Variants in PRDM15 observed in about 807,000 individuals in gnomAD.
PRDM15 encodes PR/SET domain 15, also known as PR domain zinc finger protein 15.
PRDM15 carries 64 observed loss-of-function variants against 128.6 expected under a neutral mutation model. That is an observed-to-expected ratio of 0.50 (90% CI 0.41 to 0.61). PRDM15 has a LOEUF of 0.61. Ranked by LOEUF, PRDM15 falls within the 20% of genes least tolerant of loss-of-function variation. The pLI is 0.00. For synonymous variants in PRDM15, 615 were observed against 621.8 expected, an observed-to-expected ratio of 0.99 and a Z score of 0.16; for missense variants, 1,242 against 1,569.1, an observed-to-expected ratio of 0.79 and a Z score of 3.52.
At chr21:41,830,149 A>T (rs1209817085) in intron 11 of PRDM15, among the ~76,000 whole-genome samples, 2 of 149,082 alleles carry the variant, frequency 1.3e-5, no homozygotes, top group Non-Finnish European at 3.0e-5. Context: ...CACACACCCC[A>T]CACAAATACA....
chr21:41,843,962 A>AAG (rs1293679340), intron 6 of PRDM15, among the ~76,000 whole-genome samples: 1 of 151,818 alleles, frequency 6.6e-6, no homozygotes, highest in East Asian at 1.9e-4. Flanking sequence ...AAAAAAAAAA[A>AAG]AAAAAAAAAG....
At chr21:41,815,948 G>A in intron 18 of PRDM15, 112 bp from the exon 19 acceptor site, 1 of 1,388,964 alleles carries the variant, frequency 7.2e-7, no homozygotes. Flanking sequence ...GTACTGGTGA[G>A]GGTGTGGGCC....
rs1040163647 is a variant in PRDM15, at chr21:41,815,893, C to G, written c.2261-57G>C. 3.7e-6 allele frequency: 6 copies of G among 1,600,730 alleles called. No individual in the cohort carries two copies. In the African/African-American group the frequency reaches 8.0e-5, roughly 21 times the overall value. On this transcript the variant is annotated intron_variant, in intron 18 of 23. Transcript: ENST00000398548. ...CACCCCCACGCAGCCCACCTGGGGG[C>G]CCATGCCCGAGACCCTGGGGCAGGC... is the stretch of plus-strand genomic sequence containing the variant.
intron 11 of PRDM15, among the ~76,000 whole-genome samples, chr21:41,829,999 TACAC>T (rs2062627266): frequency 1.4e-5 from 2 of 145,124 alleles, no homozygotes; most frequent in South Asian, 4.4e-4. Context: ...CAACACATAC[TACAC>T]AAACACACAT....
chr21:41,861,539 C>CT (rs768820482), intron 1 of PRDM15: 4 of 1,557,884 alleles, frequency 2.6e-6, no homozygotes, highest in East Asian at 2.3e-5. Flanking sequence ...CCTCTGCCCC[C>CT]CCCCAATCCC....
chr21:41,846,672 G>C (rs2063275201), intron 6 of PRDM15, among the ~76,000 whole-genome samples: 1 of 152,200 alleles, frequency 6.6e-6, no homozygotes, highest in Admixed American at 6.5e-5. Context: ...ACTCCAGCCT[G>C]GACAACAGAG....
At chr21:41,820,372 C>A (rs868615626) in intron 16 of PRDM15, among the ~76,000 whole-genome samples, 198 bp from the exon 17 acceptor site, 1 of 152,212 alleles carries the variant, frequency 6.6e-6, no homozygotes, top group Non-Finnish European at 1.5e-5. Flanking sequence ...TTAACCCCGG[C>A]ACTTCACAAT....
At chr21:41,857,354 C>A in intron 3 of PRDM15, 25 bp from the exon 4 acceptor site, 1 of 1,612,626 alleles carries the variant, frequency 6.2e-7, no homozygotes, top group East Asian at 2.2e-5. Context: ...AAACAAGACT[C>A]AAAAGAGAGC....
rs763310411 is a variant in PRDM15 at position 41,819,652 on chromosome 21, C to T, written c.2190G>A (p.Lys730=). 1.4e-5 allele frequency: 22 copies of T among 1,610,476 alleles called. No individual in the cohort carries two copies. The highest frequency in any genetic ancestry group is 1.6e-5 in the Non-Finnish European group (19 of 1,179,188). The change falls in exon 18 of 24, where the codon AAG becomes AAA. Residue 730 remains lysine, a synonymous_variant. Transcript: ENST00000398548. ...CEQCGKSFAR[K]DMLKEHMRVH... is the part of the protein sequence containing the mutation. ...CACGCATGTGCTCCTTCAGCATGTC[C>T]TTCCTGGCAAAGGACTTCCCACACT... is the stretch of plus-strand genomic sequence containing the variant.
intron 6 of PRDM15, among the ~76,000 whole-genome samples, chr21:41,846,216 C>A (rs928872740): frequency 6.6e-6 from 1 of 152,226 alleles, no homozygotes; most frequent in Non-Finnish European, 1.5e-5. Flanking sequence ...ATGCCACAAA[C>A]TGTTTCTACG....
At position 41,854,655 on chromosome 21, in the gene PRDM15, G is replaced by A. The variant is rs773702096; in HGVS notation, c.449C>T (p.Pro150Leu). Residue 150 changes from proline to leucine, a missense_variant, in exon 5 of 24, where the codon CCG (proline) becomes CTG (leucine). Physicochemically the swap from Pro to Leu is moderately conservative, Grantham distance 98. Transcript: ENST00000398548. This position sits in a 1 kb window ranked among gnomAD's most constrained non-coding sequence, Gnocchi z 4.6. Reference sequence around the variant, plus strand: ...ATACCACACGCGCAGCTCGGTACCCGGGGGGATGTCTCTGGAGGTGGTGAA... The same window carrying A: ...ATACCACACGCGCAGCTCGGTACCCAGGGGGATGTCTCTGGAGGTGGTGAA... Reference protein sequence around the residue: ...VYFTTSRDIPPGTELRVWYAA... With the variant: ...VYFTTSRDIPLGTELRVWYAA... 17 of 1,613,588 alleles carry A rather than the reference G, an allele frequency of 1.1e-5. No individual in the cohort carries two copies. Among genetic ancestry groups the A allele is most frequent in the South Asian group, 3.3e-5 (3 of 91,084 alleles).
chr21:41,853,495 A>G (rs993623903), intron 5 of PRDM15, among the ~76,000 whole-genome samples: 6 of 152,226 alleles, frequency 3.9e-5, no homozygotes, highest in Non-Finnish European at 8.8e-5. Flanking sequence ...CAGCTTCGGC[A>G]ATATGAAATT....
At chr21:41,803,217 A>G in intron 22 of PRDM15, 2 of 428,738 alleles carry the variant, frequency 4.7e-6, no homozygotes, top group Non-Finnish European at 8.5e-6. Flanking sequence ...GCCACTGGGT[A>G]TTTCCAAAGG....
At position 41,810,353 on chromosome 21, in the gene PRDM15, C is replaced by T. The variant is rs1313768276; in HGVS notation, c.2477-24G>A. On this transcript the variant is annotated intron_variant, in intron 20 of 23. Transcript: ENST00000398548. This position sits in a 1 kb window ranked among gnomAD's most constrained non-coding sequence, Gnocchi z 6.4. ...CACTTTTCACACACACGCAGACACA[C>T]ATGCGCGTGGAAAGGAAGAGACACG... 6.3e-7 allele frequency: 1 copy of T among 1,597,684 alleles called. No homozygotes were observed.
intron 1 of PRDM15, chr21:41,878,915 G>T: frequency 1.0e-6 from 1 of 954,604 alleles, no homozygotes; most frequent in Non-Finnish European, 1.2e-6. Context: ...CCCGCGCTGG[G>T]CCTGGCCGCG....
intron 6 of PRDM15, among the ~76,000 whole-genome samples, chr21:41,846,582 A>C (rs374733921): frequency 6.6e-5 from 10 of 152,350 alleles, no homozygotes; most frequent in East Asian, 5.8e-4. Flanking sequence ...CTGTGGTCCC[A>C]GCTACTCAGG....
chr21:41,824,743 C>CG (rs1214401917), intron 13 of PRDM15, among the ~76,000 whole-genome samples: 24 of 152,338 alleles, frequency 1.6e-4, no homozygotes, highest in African/African-American at 5.3e-4. Context: ...GCCCACAGTC[C>CG]GGAGCCTCAC....
At chr21:41,861,642 G>T in intron 1 of PRDM15, 1 of 1,613,930 alleles carries the variant, frequency 6.2e-7, no homozygotes, top group Non-Finnish European at 8.5e-7. Flanking sequence ...GGCACTTCTT[G>T]AATGCTGATT....
chr21:41,867,865 T>C (rs1459074514), intron 1 of PRDM15, among the ~76,000 whole-genome samples: 2 of 152,142 alleles, frequency 1.3e-5, no homozygotes, highest in Non-Finnish European at 2.9e-5. Context: ...AAGACCAGCC[T>C]GGCCAACATG....
Sources: allele counts gnomAD v4.1 joint callset (sites outside exome capture counted in the v4.1 genomes callset), GRCh38; gene constraint gnomAD v4.1.1; non-coding constraint Gnocchi (gnomAD v3.1); transcripts MANE v1.5; gene names NCBI Gene and HGNC (gene_info 2026-07-23, HGNC 2026-07-21).